Variants in CD226 observed in about 807,000 individuals in gnomAD.
CD226 encodes the protein CD226 antigen.
Under a neutral mutation model 34.9 loss-of-function variants are expected in CD226, and 24 were observed. The ratio of observed to expected loss-of-function variants is 0.69; its 90% CI spans 0.50 to 0.97. The LOEUF (loss-of-function observed/expected upper bound fraction) is 0.97. Among genes scored for constraint, CD226 ranks in the 50% least tolerant of loss-of-function variants. The probability of loss-of-function intolerance (pLI) is 0.00; values close to 1 mark genes in which losing one functional copy is unlikely to be tolerated. For missense variants in CD226, 397 were observed against 412.7 expected, an observed-to-expected ratio of 0.96 and a Z score of 0.33; for synonymous variants, 148 against 147.4, an observed-to-expected ratio of 1.00 and a Z score of -0.03.
At chr18:69,953,098 T>G (rs1326748858) in intron 1 of CD226, among the ~76,000 whole-genome samples, 2 of 152,178 alleles carry the variant, frequency 1.3e-5, no homozygotes, top group African/African-American at 2.4e-5. Context: ...CGAACCCTTG[T>G]GTACTGTTGC....
intron 3 of CD226, among the ~76,000 whole-genome samples, chr18:69,880,246 G>GT (rs1322169199): frequency 1.4e-5 from 2 of 147,096 alleles, no homozygotes; most frequent in Non-Finnish European, 3.0e-5. Flanking sequence ...GAGAAAGGAA[G>GT]TAAGGAAGGC....
chr18:69,936,938 C>T (rs1394767567), intron 2 of CD226, among the ~76,000 whole-genome samples: 1 of 152,202 alleles, frequency 6.6e-6, no homozygotes, highest in Admixed American at 6.5e-5. Flanking sequence ...TTTCCTTTGA[C>T]AGGCAATAGC....
chr18:69,940,496 G>A (rs1272978720), intron 2 of CD226, among the ~76,000 whole-genome samples: 4 of 152,406 alleles, frequency 2.6e-5, no homozygotes, highest in Middle Eastern at 3.4e-3. Flanking sequence ...AATGCTGACA[G>A]TGATATAAAC....
At chr18:69,955,855 T>A (rs2055892655) in intron 1 of CD226, among the ~76,000 whole-genome samples, 1 of 69,580 alleles carries the variant, frequency 1.4e-5, no homozygotes, top group African/African-American at 4.9e-5. Flanking sequence ...GGAGCGAGAC[T>A]CCATCTCAAA....
chr18:69,932,417 T>C (rs1297706244), intron 2 of CD226, among the ~76,000 whole-genome samples: 3 of 152,178 alleles, frequency 2.0e-5, no homozygotes, highest in African/African-American at 7.2e-5. Flanking sequence ...GCTGTGAACA[T>C]GCAGTTCCAA....
chr18:69,930,575 G>A (rs17081855), intron 2 of CD226, among the ~76,000 whole-genome samples: 1 of 152,070 alleles, frequency 6.6e-6, no homozygotes, highest in Non-Finnish European at 1.5e-5. Context: ...AAAGAAATAG[G>A]TGTCAAAACC....
rs1222195081 is a variant in CD226, at chr18:69,857,708, G to T, written c.*6606C>A. On this transcript the variant is annotated 3_prime_UTR_variant, in exon 6 of 6. Coordinates refer to ENST00000582621, the MANE Select transcript of CD226 (RefSeq NM_001303618.2). ...ACAAGGCTTCCTTTTCAGGAATTTG[G>T]AGAACTTATGCTTGGTATTTTAAAC... The T allele has an allele frequency of 6.6e-6, 1 of 152,180 alleles. No individual in the cohort carries two copies. The highest frequency in any genetic ancestry group is 1.5e-5 in the Non-Finnish European group (1 of 68,024). The allele number at this position is 152,180 out of a possible 1,614,324, so 9.4% of individuals were successfully genotyped here.
chr18:69,911,836 GT>G (rs904436715), intron 2 of CD226, among the ~76,000 whole-genome samples: 3 of 152,122 alleles, frequency 2.0e-5, no homozygotes, highest in African/African-American at 7.2e-5. Context: ...TTACATGTGT[GT>G]ATGTGTGTGT....
At chr18:69,889,400 A>G (rs760132654) in intron 3 of CD226, among the ~76,000 whole-genome samples, 21 of 152,116 alleles carry the variant, frequency 1.4e-4, no homozygotes, top group Non-Finnish European at 2.8e-4. Flanking sequence ...AGTGCACACC[A>G]GTTCAGACAA....
chr18:69,915,578 G>T (rs960565871), intron 2 of CD226, among the ~76,000 whole-genome samples: 1 of 152,098 alleles, frequency 6.6e-6, no homozygotes, highest in East Asian at 1.9e-4. Flanking sequence ...TTTTAAATGC[G>T]GAAACTAATT....
chr18:69,935,174 A>G (rs1462192232), intron 2 of CD226, among the ~76,000 whole-genome samples: 2 of 152,068 alleles, frequency 1.3e-5, no homozygotes, highest in African/African-American at 2.4e-5. Flanking sequence ...TCAGTTACTT[A>G]TTTTCTTTTT....
chr18:69,911,573 C>T (rs973163683), intron 2 of CD226, among the ~76,000 whole-genome samples: 1 of 152,128 alleles, frequency 6.6e-6, no homozygotes, highest in Non-Finnish European at 1.5e-5. Context: ...CCCCGCAGGT[C>T]GGCAATACTC....
chr18:69,887,581 T>A (rs1984634805), intron 3 of CD226, among the ~76,000 whole-genome samples: 1 of 151,792 alleles, frequency 6.6e-6, no homozygotes, highest in African/African-American at 2.4e-5. Context: ...CACAATAAGG[T>A]TTTTTTTATT....
chr18:69,902,981 A>T (rs1315194963), intron 2 of CD226, among the ~76,000 whole-genome samples: 1 of 152,188 alleles, frequency 6.6e-6, no homozygotes, highest in Non-Finnish European at 1.5e-5. Flanking sequence ...CTGCATGATG[A>T]CTAAGGAGGT....
upstream of CD226, among the ~76,000 whole-genome samples, chr18:69,950,061 T>A (rs934692463): frequency 6.6e-6 from 1 of 151,426 alleles, no homozygotes; most frequent in African/African-American, 2.4e-5. Context: ...CACGTATACA[T>A]GCACTCACAC....
At chr18:69,875,904 G>C (rs1282328866) in intron 3 of CD226, among the ~76,000 whole-genome samples, 2 of 152,204 alleles carry the variant, frequency 1.3e-5, no homozygotes, top group Non-Finnish European at 2.9e-5. Context: ...TTGCCAGGAG[G>C]TGGGAGGGCA....
chr18:69,878,884 G>C (rs886302120), intron 3 of CD226, among the ~76,000 whole-genome samples: 3 of 152,088 alleles, frequency 2.0e-5, no homozygotes, highest in Non-Finnish European at 4.4e-5. Context: ...ATTCAATGTA[G>C]GTTCTTTTCT....
chr18:69,911,883 A>C (rs1053762438), intron 2 of CD226, among the ~76,000 whole-genome samples: 1 of 152,194 alleles, frequency 6.6e-6, no homozygotes, highest in Non-Finnish European at 1.5e-5. Context: ...AAGCATACTG[A>C]ACTAAGAGTC....
intron 2 of CD226, among the ~76,000 whole-genome samples, chr18:69,907,299 G>A (rs973878010): frequency 2.6e-5 from 4 of 152,094 alleles, no homozygotes; most frequent in Non-Finnish European, 4.4e-5. Context: ...AGTGTGCCTG[G>A]AACCAGATTC....
Sources: gnomAD v4.1 joint callset for allele counts (sites outside exome capture counted in the v4.1 genomes callset) on GRCh38, gnomAD v4.1.1 for gene constraint, MANE v1.5 for transcripts, NCBI Gene and HGNC (gene_info 2026-07-23, HGNC 2026-07-21) for gene names.